ST8SIA6: variants seen among roughly 807,000 people sequenced by gnomAD.
The protein encoded by ST8SIA6 is ST8 alpha-N-acetyl-neuraminide alpha-2,8-sialyltransferase 6.
A neutral mutation model predicts 33.6 loss-of-function variants in ST8SIA6; 39 were observed. The observed-to-expected ratio is 1.16, with a 90% CI of 0.90 to 1.52. The LOEUF (loss-of-function observed/expected upper bound fraction) is 1.52, where lower values mean the gene tolerates loss of function less well. Among genes scored for constraint, ST8SIA6 ranks in the 40% most tolerant of loss-of-function variants. The pLI is 0.00. For synonymous variants in ST8SIA6, 172 were observed against 167.2 expected, an observed-to-expected ratio of 1.03 and a Z score of -0.22; for missense variants, 441 against 443.8, an observed-to-expected ratio of 0.99 and a Z score of 0.06.
intron 5 of ST8SIA6, among the ~76,000 whole-genome samples, chr10:17,328,468 T>A (rs772724369): frequency 6.6e-5 from 10 of 152,152 alleles, no homozygotes; most frequent in Non-Finnish European, 2.9e-5. Context: ...TTTCCTTCCC[T>A]CTCCTGGTCA....
chr10:17,448,203 A>T (rs1852786459), intron 2 of ST8SIA6, among the ~76,000 whole-genome samples: 3 of 152,214 alleles, frequency 2.0e-5, no homozygotes, highest in Admixed American at 2.0e-4. Flanking sequence ...GGCCATTAAG[A>T]TAAATAGCAG....
intron 3 of ST8SIA6, among the ~76,000 whole-genome samples, chr10:17,370,772 C>T (rs183023561): frequency 1.2e-4 from 19 of 152,200 alleles, no homozygotes; most frequent in Middle Eastern, 6.8e-3. Flanking sequence ...TAATGGCAAA[C>T]GTATGCATAT....
At position 17,331,493 on chromosome 10, in the gene ST8SIA6, G is replaced by T. The variant is rs375367576; in HGVS notation, c.437C>A (p.Thr146Asn). Residue 146 changes from threonine to asparagine, a missense_variant, in exon 5 of 8, where the codon ACT (threonine) becomes AAT (asparagine). Physicochemically the swap from Thr to Asn is moderately conservative, Grantham distance 65 (BLOSUM62 0). Transcript: ENST00000377602. ...VQNFVVSQNN[T>N]PVGTNMSYEV... Reference sequence around the variant, plus strand: ...GTAACTCATATTAGTCCCAACTGGAGTGTTATTCTGAGAAACAACAAAGTT... The same window carrying T: ...GTAACTCATATTAGTCCCAACTGGATTGTTATTCTGAGAAACAACAAAGTT... 2 of 1,613,292 alleles carry T rather than the reference G, an allele frequency of 1.2e-6. No homozygotes were observed. Among genetic ancestry groups the T allele is most frequent in the African/African-American group, 2.7e-5 (2 of 74,842 alleles).
intron 7 of ST8SIA6, among the ~76,000 whole-genome samples, 157 bp downstream of exon 7, chr10:17,322,908 G>A (rs979362331): frequency 6.6e-6 from 1 of 152,144 alleles, no homozygotes; most frequent in African/African-American, 2.4e-5. Context: ...TTGATAGAAT[G>A]CCACAATTTG....
At chr10:17,445,021 T>C (rs1474140518) in intron 2 of ST8SIA6, among the ~76,000 whole-genome samples, 2 of 152,326 alleles carry the variant, frequency 1.3e-5, no homozygotes, top group African/African-American at 2.4e-5. Context: ...AAACCTTTTA[T>C]TGCTCTTGGA....
chr10:17,388,783 G>C (rs1265718265), intron 3 of ST8SIA6, among the ~76,000 whole-genome samples: 2 of 152,184 alleles, frequency 1.3e-5, no homozygotes, highest in African/African-American at 4.8e-5. Context: ...TCAGTTCGTG[G>C]TTTGAGTCTG....
At chr10:17,389,699 T>C (rs930884822) in intron 3 of ST8SIA6, among the ~76,000 whole-genome samples, 1 of 152,120 alleles carries the variant, frequency 6.6e-6, no homozygotes, top group Non-Finnish European at 1.5e-5. Flanking sequence ...TGGCTGAAAT[T>C]GTAAGCACAA....
intron 2 of ST8SIA6, among the ~76,000 whole-genome samples, chr10:17,447,577 G>C (rs1327240299): frequency 6.6e-6 from 1 of 151,614 alleles, no homozygotes; most frequent in Non-Finnish European, 1.5e-5. Flanking sequence ...GACCAAGAAA[G>C]AAATAAAGAA....
At chr10:17,407,585 G>C (rs1476465401) in intron 2 of ST8SIA6, among the ~76,000 whole-genome samples, 2 of 152,158 alleles carry the variant, frequency 1.3e-5, no homozygotes, top group African/African-American at 4.8e-5. Flanking sequence ...TTTGAGAGCT[G>C]TTCTCCCATC....
chr10:17,359,065 C>T (rs1410061184), intron 4 of ST8SIA6, among the ~76,000 whole-genome samples: 3 of 152,132 alleles, frequency 2.0e-5, no homozygotes, highest in Non-Finnish European at 4.4e-5. Flanking sequence ...CTTAAAGCAA[C>T]TCACGCCCCT....
chr10:17,344,116 C>G (rs918792057), intron 4 of ST8SIA6, among the ~76,000 whole-genome samples: 2 of 152,160 alleles, frequency 1.3e-5, no homozygotes, highest in African/African-American at 4.8e-5. Flanking sequence ...GCTGTGTGCT[C>G]TTAATACTGC....
intron 2 of ST8SIA6, among the ~76,000 whole-genome samples, chr10:17,394,070 T>G (rs549016840): frequency 6.6e-6 from 1 of 152,320 alleles, no homozygotes; most frequent in Admixed American, 6.5e-5. Context: ...GTTGCAGTAT[T>G]GAATTGTGAA....
At chr10:17,374,935 G>A (rs56317012) in intron 3 of ST8SIA6, among the ~76,000 whole-genome samples, 55,409 of 150,028 alleles carry the variant, frequency 0.37, 10,422 homozygotes, top group East Asian at 0.59. Flanking sequence ...TTTTTTTCCA[G>A]TTTCATATAT....
chr10:17,356,562 A>G (rs1237235303), intron 4 of ST8SIA6, among the ~76,000 whole-genome samples: 7 of 151,972 alleles, frequency 4.6e-5, no homozygotes, highest in East Asian at 1.9e-4. Context: ...TAATTTTTAT[A>G]TTTTTAGTAG....
At chr10:17,451,059 G>A (rs542397636) in intron 2 of ST8SIA6, among the ~76,000 whole-genome samples, 3 of 152,210 alleles carry the variant, frequency 2.0e-5, no homozygotes, top group African/African-American at 4.8e-5. Context: ...TTGTTGCTTC[G>A]ATTTGCCCCT....
Position 17,316,045 on chromosome 10 carries a change from A to G in ST8SIA6, c.*4833T>C, listed in dbSNP as rs769405389. On this transcript the variant is annotated 3_prime_UTR_variant, in exon 8 of 8. Coordinates refer to ENST00000377602, the MANE Select transcript of ST8SIA6 (RefSeq NM_001004470.3). Reference sequence around the variant, plus strand: ...CTTACAATTTTGAGTCAGCTTCTATATTTATTTATGTAGTAGTAAGAATAT... The same window carrying G: ...CTTACAATTTTGAGTCAGCTTCTATGTTTATTTATGTAGTAGTAAGAATAT... Among the ~76,000 whole-genome samples, 29 of 151,758 alleles carry G rather than the reference A, an allele frequency of 1.9e-4. No homozygotes were observed. The highest frequency in any genetic ancestry group is 2.2e-4 in the Non-Finnish European group (15 of 67,902).
intron 3 of ST8SIA6, among the ~76,000 whole-genome samples, chr10:17,376,683 G>A (rs943459220): frequency 6.6e-6 from 1 of 152,234 alleles, no homozygotes; most frequent in Non-Finnish European, 1.5e-5. Context: ...AAGATTACAA[G>A]TAATAAGTTT....
chr10:17,408,488 A>T (rs2131690529), intron 2 of ST8SIA6, among the ~76,000 whole-genome samples: 2 of 151,692 alleles, frequency 1.3e-5, no homozygotes, highest in South Asian at 4.2e-4. Flanking sequence ...AACATGTGAA[A>T]CCCCGTCTCT....
chr10:17,439,313 T>G (rs1852390377), intron 2 of ST8SIA6, among the ~76,000 whole-genome samples: 1 of 147,730 alleles, frequency 6.8e-6, no homozygotes, highest in African/African-American at 2.5e-5. Context: ...GGAGCCTCTC[T>G]CTGTCACCCA....
Sources: allele counts gnomAD v4.1 joint callset (sites outside exome capture counted in the v4.1 genomes callset), GRCh38; gene constraint gnomAD v4.1.1; transcripts MANE v1.5; gene names NCBI Gene and HGNC (gene_info 2026-07-23, HGNC 2026-07-21).